AR: variants seen among roughly 807,000 people sequenced by gnomAD.
AR encodes the protein androgen receptor.
A neutral mutation model predicts 53.9 loss-of-function variants in AR; 8 were observed. The observed-to-expected ratio is 0.15, with a 90% CI of 0.09 to 0.27. The LOEUF is 0.27. AR is among the 10% of genes least tolerant of loss of function. The probability of loss-of-function intolerance (pLI) is 1.00; values close to 1 mark genes in which losing one functional copy is unlikely to be tolerated. For synonymous variants in AR, 359 were observed against 316.4 expected (o/e 1.13, Z -1.43); for missense variants, 639 against 742.5 (o/e 0.86, Z 1.62).
chrX:67,601,100 C>A (rs911197819), intron 1 of AR, among the ~76,000 whole-genome samples: 41 of 112,046 alleles, frequency 3.7e-4, no homozygotes, highest in African/African-American at 1.3e-3. Context: ...ATTCTGCTTA[C>A]TTATTTCTGG....
chrX:67,559,305 C>G (rs962765960), intron 1 of AR, among the ~76,000 whole-genome samples: 1 of 112,068 alleles, frequency 8.9e-6, no homozygotes, highest in African/African-American at 3.2e-5. Flanking sequence ...CTGCCCTTCA[C>G]CTTTTAATTA....
chrX:67,666,001 A>T (rs1336286290), intron 2 of AR, among the ~76,000 whole-genome samples: 6 of 111,698 alleles, frequency 5.4e-5, no homozygotes, highest in Non-Finnish European at 9.4e-5. Flanking sequence ...TACAGTGTAT[A>T]ATAATCACCA....
At chrX:67,606,115 G>A (rs1255576093) in intron 1 of AR, among the ~76,000 whole-genome samples, 1 of 110,731 alleles carries the variant, frequency 9.0e-6, no homozygotes, top group Non-Finnish European at 1.9e-5. Context: ...TTGATTCTGA[G>A]GGAAAAGAGA....
At chrX:67,669,232 G>T (rs918792175) in intron 2 of AR, among the ~76,000 whole-genome samples, 2 of 110,922 alleles carry the variant, frequency 1.8e-5, no homozygotes, top group African/African-American at 6.5e-5. Context: ...GTTTTAGTAT[G>T]TTGTTTAGTA....
intron 3 of AR, among the ~76,000 whole-genome samples, chrX:67,705,739 T>G (rs2076063881): frequency 9.0e-6 from 1 of 111,193 alleles, no homozygotes; most frequent in African/African-American, 3.3e-5. Context: ...TCAAAGGGAG[T>G]GCTTCCAGTT....
chrX:67,573,642 A>T (rs896349898), intron 1 of AR, among the ~76,000 whole-genome samples: 1 of 111,550 alleles, frequency 9.0e-6, no homozygotes, highest in Non-Finnish European at 1.9e-5. Context: ...CACTGGGTGG[A>T]TGGAATGGGG....
intron 1 of AR, among the ~76,000 whole-genome samples, chrX:67,632,221 G>C (rs1925181022): frequency 9.1e-6 from 1 of 109,402 alleles, no homozygotes; most frequent in Admixed American, 9.7e-5. Flanking sequence ...GGCAATGGCA[G>C]GTGCCCCTCC....
intron 3 of AR, among the ~76,000 whole-genome samples, chrX:67,691,660 A>G (rs775211695): frequency 8.9e-6 from 1 of 112,062 alleles, no homozygotes; most frequent in African/African-American, 3.2e-5. Flanking sequence ...GAGAATACCT[A>G]TACCTCTAGC....
chrX:67,700,980 A>G (rs1294067901), intron 3 of AR, among the ~76,000 whole-genome samples: 1 of 111,531 alleles, frequency 9.0e-6, no homozygotes, highest in Non-Finnish European at 1.9e-5. Flanking sequence ...CTTTATCAAT[A>G]GCTTTAGTGG....
At position 67,660,055 on chromosome X, in the gene AR, A is replaced by G. The variant is rs749262237; in HGVS notation, c.1768+16648A>G. 1.9e-3 allele frequency among the ~76,000 whole-genome samples: 213 copies of G among 111,289 alleles called. 1 individual carries two copies. Among genetic ancestry groups the G allele is most frequent in the Middle Eastern group, 0.014 (3 of 217 alleles). On this transcript the variant is annotated intron_variant, in intron 2 of 7. Coordinates refer to ENST00000374690, the MANE Select transcript of AR (RefSeq NM_000044.6). ...TCATATCCTTTGCCCACTTTTTGAT[A>G]GGGTTGTTTGTTTTTTTCTTGTAAA...
At chrX:67,611,291 A>G (rs1331732196) in intron 1 of AR, among the ~76,000 whole-genome samples, 1 of 111,509 alleles carries the variant, frequency 9.0e-6, no homozygotes, top group Non-Finnish European at 1.9e-5. Flanking sequence ...CATCATTTTA[A>G]GTTGCCTATC....
intron 2 of AR, among the ~76,000 whole-genome samples, chrX:67,651,525 T>C (rs1042726430): frequency 4.5e-5 from 5 of 111,272 alleles, no homozygotes; most frequent in Non-Finnish European, 9.4e-5. Flanking sequence ...TCTTCTGGGG[T>C]CAAAGGCAGC....
At chrX:67,654,573 G>A (rs1196949007) in intron 2 of AR, among the ~76,000 whole-genome samples, 1 of 109,707 alleles carries the variant, frequency 9.1e-6, no homozygotes, top group Non-Finnish European at 1.9e-5. Flanking sequence ...AGAGCTCTCT[G>A]TGTATCTTTG....
chrX:67,713,096 G>A (rs186853312), intron 4 of AR, among the ~76,000 whole-genome samples: 1 of 112,126 alleles, frequency 8.9e-6, no homozygotes, highest in African/African-American at 3.2e-5. Flanking sequence ...CACCACTGCA[G>A]TTCTGTAGCT....
At chrX:67,701,423 C>G (rs1362570457) in intron 3 of AR, among the ~76,000 whole-genome samples, 1 of 111,204 alleles carries the variant, frequency 9.0e-6, no homozygotes, top group African/African-American at 3.3e-5. Context: ...AGCTCTGCCA[C>G]TAGGTGACCT....
rs1034683094 is a variant in AR, at chrX:67,608,320, G to A, written c.1617-34936G>A. ...GCCTTGAATGTCCTTCTATCTTATT[G>A]TATATTTCATTAACAGAAGTATGTT... On this transcript the variant is annotated intron_variant, in intron 1 of 7. Transcript: ENST00000374690. Among the ~76,000 whole-genome samples the A allele has an allele frequency of 1.8e-5, 2 of 112,009 alleles. 1 individual carries two copies.
intron 1 of AR, among the ~76,000 whole-genome samples, chrX:67,635,487 C>T: frequency 9.0e-6 from 1 of 110,924 alleles, no homozygotes; most frequent in Middle Eastern, 4.6e-3. Flanking sequence ...TTAAGTTAAT[C>T]AGATTCTTCA....
At chrX:67,603,652 G>A (rs767671490) in intron 1 of AR, among the ~76,000 whole-genome samples, 1 of 112,005 alleles carries the variant, frequency 8.9e-6, no homozygotes, top group South Asian at 3.8e-4. Context: ...ATTGGGGTTA[G>A]TCATACAAGG....
chrX:67,689,716 A>C lies in AR; in HGVS notation c.1885+3590A>C. 3.5e-6 allele frequency: 3 copies of C among 846,609 alleles called. No homozygotes were observed. The South Asian group carries it at 1.1e-4, about 31-fold the overall frequency. 69.8% of individuals were successfully genotyped at this position (846,609 alleles called of 1,213,427 possible). On this transcript the variant is annotated intron_variant, in intron 3 of 7. Coordinates refer to ENST00000374690, the MANE Select transcript of AR (RefSeq NM_000044.6). ...CTGCATTTGAAAACCACATATTGTT[A>C]ATTGCTTGACGAATTTAAATCCCTT...
Sources: gnomAD v4.1 joint callset for allele counts (sites outside exome capture counted in the v4.1 genomes callset) on GRCh38, gnomAD v4.1.1 for gene constraint, MANE v1.5 for transcripts, NCBI Gene and HGNC (gene_info 2026-07-23, HGNC 2026-07-21) for gene names.